The following PIF1 variants were observed in gnomAD, a reference collection of about 807,000 sequenced individuals.
PIF1 encodes the protein ATP-dependent DNA helicase PIF1.
In PIF1, 67 loss-of-function variants were observed where a neutral mutation model predicts 62.3. That is an observed-to-expected ratio of 1.08 (90% CI 0.88 to 1.32). The LOEUF is 1.32. PIF1 is among the 40% of genes most tolerant of loss of function. The pLI is 0.00. For synonymous variants in PIF1, 364 were observed against 379.5 expected, an observed-to-expected ratio of 0.96 and a Z score of 0.47; for missense variants, 886 against 866.1, an observed-to-expected ratio of 1.02 and a Z score of -0.29.
At chr15:64,818,682 C>T (rs1006891973) in intron 9 of PIF1, 3 of 345,004 alleles carry the variant, frequency 8.7e-6, no homozygotes, top group Non-Finnish European at 1.6e-5. Context: ...GGGATGGCCT[C>T]TAGGTCCTGC....
Position 64,823,859 on chromosome 15 carries a change from C to T in PIF1, c.477G>A (p.Arg159=), listed in dbSNP as rs1318067410. The T allele has an allele frequency of 1.4e-6, 2 of 1,384,636 alleles. No homozygotes were observed. The highest frequency in any genetic ancestry group is 2.8e-5 in the Admixed American group (1 of 35,860). The allele number at this position is 1,384,636 out of a possible 1,614,324, so 85.8% of individuals were successfully genotyped here. A position where few individuals can be genotyped will look rare whatever the true frequency, so the allele number is the denominator to read the frequency against. The part of the protein sequence containing the change: ...TISPVQPEER[R]LRAATRVPDT... Reference sequence around the variant, plus strand: ...CCGGAACCCGGGTGGCCGCCCTGAGCCGCCGCTCCTCGGGCTGCACAGGGC... The same window carrying T: ...CCGGAACCCGGGTGGCCGCCCTGAGTCGCCGCTCCTCGGGCTGCACAGGGC... The change falls in exon 2 of 13, where the codon CGG becomes CGA. Residue 159 remains arginine, a synonymous_variant. Transcript: ENST00000559239.
At position 64,816,272 on chromosome 15, in the gene PIF1, CT is replaced by C; in HGVS notation, c.*25del. Reference sequence around the variant, plus strand: ...GAGGACGGGGAGGCCACAGGCCACCCTTTGTCTTCTCTTTGTGGGTGAGGCT... The same window carrying C: ...GAGGACGGGGAGGCCACAGGCCACCCTTGTCTTCTCTTTGTGGGTGAGGCT... On this transcript the variant is annotated 3_prime_UTR_variant, in exon 13 of 13. Transcript: ENST00000559239. 6.2e-7 allele frequency: 1 copy of C among 1,613,582 alleles called. No homozygotes were observed. Among genetic ancestry groups the C allele is most frequent in the Non-Finnish European group, 8.5e-7 (1 of 1,179,960 alleles).
At position 64,818,383 on chromosome 15, in the gene PIF1, C is replaced by A. The variant is rs1471667893; in HGVS notation, c.1441-39G>T. ...AGAGGAATGGACAGCAGCCCCCCTACCCATGCCTGGTCTTAGCTTCGCCAT... is the reference window on the plus strand; with the variant it reads ...AGAGGAATGGACAGCAGCCCCCCTAACCATGCCTGGTCTTAGCTTCGCCAT... On this transcript the variant is annotated intron_variant, in intron 9 of 12. Transcript: ENST00000559239. 7 of 1,595,548 alleles carry A rather than the reference C, an allele frequency of 4.4e-6. No homozygotes were observed. The Admixed American group carries it at 1.0e-4, about 23-fold the overall frequency.
rs192232152 is a variant in PIF1 at position 64,821,991 on chromosome 15, C to T, written c.817+275G>A. 28 of 415,888 alleles carry T rather than the reference C, an allele frequency of 6.7e-5. 1 individual carries two copies. In the East Asian group the frequency reaches 1.3e-3, roughly 19 times the overall value. The allele number at this position is 415,888 out of a possible 1,614,324, so 25.8% of individuals were successfully genotyped here. A position where few individuals can be genotyped will look rare whatever the true frequency, so the allele number is the denominator to read the frequency against. ...TCCTGACCTTGTGATCCGCCTGCCT[C>T]GGCCTCCCAAAGTGCTGGGATTACA... On this transcript the variant is annotated intron_variant, in intron 4 of 12. Coordinates refer to ENST00000559239, the MANE Select transcript of PIF1 (RefSeq NM_001286496.2).
rs2141113960 is a variant in PIF1 at position 64,822,353 on chromosome 15, A to G, written c.730T>C (p.Ser244Pro). ...KSYLLKRILG[S>P]LPPTGTVATA... is the part of the protein sequence containing the mutation. ...GCCACAGTGCCTGTGGGGGGCAGTGAGCCCAGGATTCGCTTTAGCAGATAT... is the reference window on the plus strand; with the variant it reads ...GCCACAGTGCCTGTGGGGGGCAGTGGGCCCAGGATTCGCTTTAGCAGATAT... Residue 244 changes from serine to proline, a missense_variant, in exon 4 of 13, where the codon TCA becomes CCA. Transcript: ENST00000559239. 1 of 1,613,372 alleles carries G rather than the reference A, an allele frequency of 6.2e-7. No individual in the cohort carries two copies. The highest frequency in any genetic ancestry group is 1.1e-5 in the South Asian group (1 of 91,058).
At chr15:64,826,651 TATATATATATATATAC>T (rs1223530661), upstream of PIF1, among the ~76,000 whole-genome samples, 17 of 32,590 alleles carry the variant, frequency 5.2e-4, no homozygotes, top group Middle Eastern at 0.015. Flanking sequence ...TATATATATA[TATATATATATATATAC>T]ACACACACAC....
At chr15:64,826,729 T>TATATATATACACACACAC (rs2084376852), upstream of PIF1, among the ~76,000 whole-genome samples, 2 of 133,810 alleles carry the variant, frequency 1.5e-5, no homozygotes, top group Non-Finnish European at 3.2e-5. Context: ...TACACACACA[T>TATATATATACACACACAC]ATATATATAT....
At position 64,817,988 on chromosome 15, in the gene PIF1, C is replaced by T. The variant is rs2084214986; in HGVS notation, c.1632G>A (p.Leu544=). 3.1e-6 allele frequency: 5 copies of T among 1,613,064 alleles called. No individual in the cohort carries two copies. In the Admixed American group the frequency reaches 6.7e-5, roughly 22 times the overall value. ...TGGQLLSRQQ[L]PLQLAWAMSI... The stretch of plus-strand genomic sequence containing the variant: ...ACATCGCCCAGGCCAGCTGGAGGGG[C>T]AGCTGCTGCCGACTGAGGAGCTGGC... The change falls in exon 11 of 13, where the codon CTG becomes CTA. Residue 544 remains leucine (L), a synonymous_variant. Coordinates refer to ENST00000559239, the MANE Select transcript of PIF1 (RefSeq NM_001286496.2).
In PIF1 at chr15:64,819,198, C is replaced by G; in HGVS notation, c.1359G>C (p.Met453Ile). Residue 453 changes from methionine to isoleucine, a missense_variant, in exon 9 of 13, where the codon ATG (methionine) becomes ATC (isoleucine). By Grantham distance (10) the Met-to-Ile change is conservative (BLOSUM62 1). Transcript: ENST00000559239. The stretch of plus-strand genomic sequence containing the variant: ...TACTGGCCAGCTCAGGGTTGCTGTC[C>G]ATAGCCTCAAATCTGTGTACCTTAC... ...LPGKVHRFEAMDSNPELASTL... is the reference protein window; with the variant it reads ...LPGKVHRFEAIDSNPELASTL... 6.2e-7 allele frequency: 1 copy of G among 1,605,182 alleles called. No individual in the cohort carries two copies. The highest frequency in any genetic ancestry group is 1.1e-5 in the South Asian group (1 of 88,982).
At chr15:64,819,318 T>C in intron 8 of PIF1, 95 bp from the exon 9 acceptor site, 1 of 885,944 alleles carries the variant, frequency 1.1e-6, no homozygotes, top group Non-Finnish European at 1.7e-6. Context: ...TTTAATTTAA[T>C]TTTATTTTTT....
chr15:64,822,528 A>G lies in PIF1; in HGVS notation c.641T>C (p.Val214Ala), dbSNP rs779169058. Reference protein sequence around the residue: ...KPQLSEEQAAVLRAVLKGQSI... With the variant: ...KPQLSEEQAAALRAVLKGQSI... ...CTGGCCTTTCAGGACGGCCCTCAGC[A>G]CAGCAGCCTGTTCCTCAGAAAGCTG... Residue 214 changes from valine (V) to alanine (A), a missense_variant, in exon 3 of 13, where the codon GTG (valine) becomes GCG (alanine). Coordinates refer to ENST00000559239, the MANE Select transcript of PIF1 (RefSeq NM_001286496.2). 3 of 1,612,986 alleles carry G rather than the reference A, an allele frequency of 1.9e-6. No homozygotes were observed. In the East Asian group the frequency reaches 6.7e-5, roughly 36 times the overall value.
intron 7 of PIF1, 25 bp downstream of exon 7, chr15:64,820,957 C>A: frequency 6.2e-7 from 1 of 1,600,774 alleles, no homozygotes. Context: ...ATCCCATAGC[C>A]CCTTCCCCAA....
Position 64,816,700 on chromosome 15 carries a change from C to A in PIF1, c.1740G>T (p.Val580=). The change falls in exon 12 of 13, where the codon GTG becomes GTT. Residue 580 remains valine, a synonymous_variant. Transcript: ENST00000559239. ...GCAGGCTGCGGGCCCGAGAAAGGGC[C>A]ACATAGGCCTGGCCACTGGCAAACA... is the stretch of plus-strand genomic sequence containing the variant. ...GRVFASGQAY[V]ALSRARSLQG... is the part of the protein sequence containing the mutation. The A allele has an allele frequency of 6.2e-7, 1 of 1,613,446 alleles. No homozygotes were observed. The highest frequency in any genetic ancestry group is 8.5e-7 in the Non-Finnish European group (1 of 1,179,880).
intron 11 of PIF1, among the ~76,000 whole-genome samples, chr15:64,817,524 A>G (rs542609038): frequency 6.6e-6 from 1 of 151,718 alleles, no homozygotes; most frequent in East Asian, 1.9e-4. Flanking sequence ...TGGGCGACAG[A>G]GCAAGACTCT....
In PIF1 at chr15:64,816,642, C is replaced by G. The variant is rs755254207; in HGVS notation, c.1798G>C (p.Ala600Pro). 1 of 1,614,096 alleles carries G rather than the reference C, an allele frequency of 6.2e-7. No homozygotes were observed. The highest frequency in any genetic ancestry group is 2.2e-5 in the East Asian group (1 of 44,884). The change falls in exon 12 of 13, where the codon GCG (alanine) becomes CCG (proline). Residue 600 changes from alanine (A) to proline (P), a missense_variant. Transcript: ENST00000559239. ...AGCACACGGGGGTCACAGCGAACCG[C>G]CATGGGGTCAAAGTCCAGCACACGT... Reference protein sequence around the residue: ...GLRVLDFDPMAVRCDPRVLHF... With the variant: ...GLRVLDFDPMPVRCDPRVLHF...
chr15:64,816,978 A>G (rs1337603462), intron 11 of PIF1, among the ~76,000 whole-genome samples: 1 of 152,186 alleles, frequency 6.6e-6, no homozygotes, highest in Non-Finnish European at 1.5e-5. Context: ...ATGGAGTGAA[A>G]GGAAAGCACT....
chr15:64,821,396 G>A lies in PIF1; in HGVS notation c.942C>T (p.Asp314=). The A allele has an allele frequency of 3.7e-6, 6 of 1,614,146 alleles. No individual in the cohort carries two copies. The highest frequency in any genetic ancestry group is 5.1e-6 in the Non-Finnish European group (6 of 1,180,036). ...CCACGGCCTCCAGTTTGTCAAACAGGTCTGCCTCCACCATTGAGATCTCGT... is the reference window on the plus strand; with the variant it reads ...CCACGGCCTCCAGTTTGTCAAACAGATCTGCCTCCACCATTGAGATCTCGT... The part of the protein sequence containing the change: ...VIDEISMVEA[D]LFDKLEAVAR... The change falls in exon 5 of 13, where the codon GAC becomes GAT. Residue 314 remains aspartate, a synonymous_variant. Transcript: ENST00000559239.
At position 64,821,194 on chromosome 15, in the gene PIF1, G is replaced by T; in HGVS notation, c.1059C>A (p.Gly353=). The change falls in exon 6 of 13, where the codon GGC becomes GGA. Residue 353 remains glycine (G), a synonymous_variant. Transcript: ENST00000559239. ...DFLQLPPVTK[G]SQPPRFCFQS... is the part of the protein sequence containing the mutation. The stretch of plus-strand genomic sequence containing the variant: ...GGAAGCAGAACCGTGGGGGCTGGGA[G>T]CCCTTGGTCACAGGTGGCAGCTGCA... 1 of 1,614,216 alleles carries T rather than the reference G, an allele frequency of 6.2e-7. No homozygotes were observed. Among genetic ancestry groups the T allele is most frequent in the South Asian group, 1.1e-5 (1 of 91,086 alleles).
chr15:64,821,628 G>C (rs567372996), intron 4 of PIF1, 108 bp from the exon 5 acceptor site: 2 of 1,347,414 alleles, frequency 1.5e-6, no homozygotes, highest in Admixed American at 5.7e-5. Context: ...CTGAAGTGCA[G>C]TGGCACGATC....
Sources: gnomAD v4.1 joint callset for allele counts (sites outside exome capture counted in the v4.1 genomes callset) on GRCh38, gnomAD v4.1.1 for gene constraint, MANE v1.5 for transcripts, NCBI Gene and HGNC (gene_info 2026-07-23, HGNC 2026-07-21) for gene names.